CIMAP1D: variants seen among roughly 807,000 people sequenced by gnomAD.
The protein encoded by CIMAP1D is CIMAP1 family member D.
chr19:481,332 G>A, the CIMAP1D span, among the ~76,000 whole-genome samples: 2 of 129,550 alleles, frequency 1.5e-5, no homozygotes, highest in Non-Finnish European at 3.3e-5. Flanking sequence ...GGAGAAGGAT[G>A]ATGGAGAAGG....
At chr19:478,489 G>GGCA in the CIMAP1D span, among the ~76,000 whole-genome samples, 1 of 147,290 alleles carries the variant, frequency 6.8e-6, no homozygotes, top group Non-Finnish European at 1.5e-5. Flanking sequence ...GCTGAGGGCC[G>GGCA]GCAGCCTCGC....
the CIMAP1D span, chr19:464,028 C>T: frequency 3.7e-5 from 60 of 1,601,986 alleles, 1 homozygote; most frequent in South Asian, 4.3e-4. Flanking sequence ...TCGCGGGGCC[C>T]GGGGCCGCCC....
the CIMAP1D span, among the ~76,000 whole-genome samples, chr19:464,978 G>C: frequency 1.3e-5 from 2 of 148,644 alleles, no homozygotes; most frequent in Admixed American, 6.7e-5. Context: ...ATAGATGAGT[G>C]GGTAGGTGGG....
At chr19:466,125 GTGGGTGGATGGA>G in the CIMAP1D span, among the ~76,000 whole-genome samples, 1 of 144,088 alleles carries the variant, frequency 6.9e-6, no homozygotes, top group Non-Finnish European at 1.5e-5. Context: ...AGATGGGTGG[GTGGGTGGATGGA>G]TGAGTGAATG....
At chr19:481,393 A>G in the CIMAP1D span, among the ~76,000 whole-genome samples, 1 of 98,654 alleles carries the variant, frequency 1.0e-5, no homozygotes, top group East Asian at 4.1e-4. Flanking sequence ...TGTGGGAAGG[A>G]TGATGGGGAA....
chr19:480,585 G>GATGATGGAGAAC, the CIMAP1D span, among the ~76,000 whole-genome samples: 1 of 112,528 alleles, frequency 8.9e-6, no homozygotes, highest in African/African-American at 5.1e-5. Context: ...TGATGGAGAA[G>GATGATGGAGAAC]GAATGTGGGA....
chr19:484,358 C>G, the CIMAP1D span, among the ~76,000 whole-genome samples: 1 of 152,050 alleles, frequency 6.6e-6, no homozygotes, highest in Admixed American at 6.6e-5. Context: ...TCAGGCTGGT[C>G]TCGAACTCCT....
chr19:484,981 G>A, the CIMAP1D span, among the ~76,000 whole-genome samples: 4 of 152,170 alleles, frequency 2.6e-5, no homozygotes, highest in African/African-American at 7.2e-5. Context: ...GCACCACGGG[G>A]CCTGGGCTGG....
chr19:487,947 A>T, the CIMAP1D span, among the ~76,000 whole-genome samples: 1 of 152,152 alleles, frequency 6.6e-6, no homozygotes, highest in African/African-American at 2.4e-5. Context: ...ATGGAAAAGC[A>T]CTGTGAAAAC....
the CIMAP1D span, chr19:474,694 G>A: frequency 3.2e-6 from 5 of 1,568,064 alleles, no homozygotes; most frequent in Admixed American, 5.5e-5. Flanking sequence ...TCACTCGCCG[G>A]CCAAGGGGGG....
the CIMAP1D span, among the ~76,000 whole-genome samples, chr19:470,247 C>T: frequency 1.3e-5 from 2 of 151,476 alleles, no homozygotes; most frequent in African/African-American, 4.9e-5. Flanking sequence ...CGCTCTCTCA[C>T]CCAGGCTGGA....
At chr19:477,860 CT>C in the CIMAP1D span, among the ~76,000 whole-genome samples, 63 of 152,188 alleles carry the variant, frequency 4.1e-4, no homozygotes, top group Admixed American at 3.9e-3. Context: ...CCACCTCCCC[CT>C]GTCCTCTCGT....
chr19:488,986 C>T, the CIMAP1D span, among the ~76,000 whole-genome samples: 2 of 152,066 alleles, frequency 1.3e-5, no homozygotes, highest in Non-Finnish European at 2.9e-5. Flanking sequence ...CGCATCAGCC[C>T]GCCACGAACT....
the CIMAP1D span, among the ~76,000 whole-genome samples, chr19:488,048 C>T: frequency 6.6e-6 from 1 of 152,226 alleles, no homozygotes; most frequent in East Asian, 1.9e-4. Flanking sequence ...GACCCTCTCA[C>T]GCGGACCCCC....
the CIMAP1D span, among the ~76,000 whole-genome samples, chr19:490,737 G>A: frequency 6.6e-6 from 1 of 152,234 alleles, no homozygotes; most frequent in Non-Finnish European, 1.5e-5. Context: ...CCCAAGGTGG[G>A]CAGATCACTT....
the CIMAP1D span, among the ~76,000 whole-genome samples, chr19:479,421 G>A: frequency 1.4e-5 from 2 of 145,104 alleles, no homozygotes; most frequent in South Asian, 2.3e-4. Flanking sequence ...TGGGGGGGGG[G>A]GGGATGGAGT....
the CIMAP1D span, among the ~76,000 whole-genome samples, chr19:469,685 A>C: frequency 1.3e-5 from 2 of 151,704 alleles, no homozygotes; most frequent in Non-Finnish European, 2.9e-5. Flanking sequence ...TGTGAGACTC[A>C]GTCTCAAAAA....
At chr19:478,006 C>T in the CIMAP1D span, among the ~76,000 whole-genome samples, 2 of 152,242 alleles carry the variant, frequency 1.3e-5, no homozygotes, top group African/African-American at 4.8e-5. Context: ...GCAAACCAAC[C>T]CTCGCTGGCC....
chr19:489,792 G>C, the CIMAP1D span: 1 of 369,268 alleles, frequency 2.7e-6, no homozygotes, highest in Non-Finnish European at 4.8e-6. Flanking sequence ...GAGCGCGCTC[G>C]GGATGTCCAG....
Sources: allele counts gnomAD v4.1 joint callset (sites outside exome capture counted in the v4.1 genomes callset), GRCh38; gene constraint gnomAD v4.1.1; transcripts MANE v1.5; gene names NCBI Gene and HGNC (gene_info 2026-07-23, HGNC 2026-07-21).